The following FGF13 variants were observed in gnomAD, a reference collection of about 807,000 sequenced individuals.
FGF13 encodes the protein fibroblast growth factor 13, also known as fibroblast growth factor homologous factor 2.
A neutral mutation model predicts 19.5 loss-of-function variants in FGF13; 2 were observed. The ratio of observed to expected loss-of-function variants is 0.10; its 90% CI spans 0.04 to 0.32. The LOEUF (loss-of-function observed/expected upper bound fraction) is 0.32, where lower values mean the gene tolerates loss of function less well. Among genes scored for constraint, FGF13 ranks in the 10% least tolerant of loss-of-function variants. FGF13 has a pLI of 1.00. For missense variants in FGF13, 113 were observed against 192.7 expected (o/e 0.59, Z 2.45); for synonymous variants, 72 against 76.9 (o/e 0.94, Z 0.33).
intron 1 of FGF13, among the ~76,000 whole-genome samples, chrX:139,136,804 T>A (rs756699177): frequency 2.7e-5 from 3 of 111,982 alleles, no homozygotes; most frequent in African/African-American, 9.7e-5. Flanking sequence ...GCCAAGCACA[T>A]ACCAAAATGT....
At chrX:138,876,113 C>T (rs917843040) in intron 1 of FGF13, among the ~76,000 whole-genome samples, 1 of 111,579 alleles carries the variant, frequency 9.0e-6, no homozygotes, top group African/African-American at 3.3e-5. Context: ...AAAGGGACCA[C>T]TTGCCCATTT....
chrX:138,832,815 A>G (rs1569406756), intron 3 of FGF13, among the ~76,000 whole-genome samples: 1 of 112,020 alleles, frequency 8.9e-6, no homozygotes, highest in African/African-American at 3.2e-5. Flanking sequence ...TAAGTCTTTA[A>G]TCCTTCTTCA....
At chrX:138,969,358 G>C (rs1293612624) in intron 1 of FGF13, among the ~76,000 whole-genome samples, 1 of 111,454 alleles carries the variant, frequency 9.0e-6, no homozygotes, top group African/African-American at 3.3e-5. Flanking sequence ...AGGGAACTTT[G>C]GGATAGGACA....
intron 1 of FGF13, among the ~76,000 whole-genome samples, chrX:139,149,766 T>C (rs902959358): frequency 1.8e-5 from 2 of 111,984 alleles, no homozygotes; most frequent in Admixed American, 9.5e-5. Flanking sequence ...TCTTGGACAG[T>C]CCATTAAGAC....
chrX:138,634,716 C>A (rs1339718189), intron 4 of FGF13, among the ~76,000 whole-genome samples: 1 of 112,166 alleles, frequency 8.9e-6, no homozygotes, highest in East Asian at 2.8e-4. Flanking sequence ...CTTACTGCTG[C>A]AAGAATGGCT....
intron 3 of FGF13, among the ~76,000 whole-genome samples, chrX:138,785,524 G>C (rs2090685356): frequency 9.0e-6 from 1 of 110,867 alleles, no homozygotes; most frequent in Non-Finnish European, 1.9e-5. Context: ...CAACCTTCAG[G>C]TAATCAAAGT....
chrX:139,077,918 G>A (rs1230157233), intron 1 of FGF13, among the ~76,000 whole-genome samples: 3 of 111,498 alleles, frequency 2.7e-5, no homozygotes, highest in Non-Finnish European at 5.6e-5. Context: ...GATTGCCCAA[G>A]GGCACACGAC....
intron 1 of FGF13, among the ~76,000 whole-genome samples, chrX:139,007,008 T>C (rs1307536437): frequency 9.0e-6 from 1 of 111,049 alleles, no homozygotes; most frequent in Non-Finnish European, 1.9e-5. Context: ...ATAATAACAT[T>C]GAATGTAAAT....
At chrX:139,204,270 G>A (rs2084445636), upstream of FGF13, 1 of 477,611 alleles carries the variant, frequency 2.1e-6, no homozygotes. Flanking sequence ...CGCCGCCGCT[G>A]CCTACGAGAG....
intron 1 of FGF13, among the ~76,000 whole-genome samples, chrX:138,874,561 C>T (rs910630582): frequency 9.0e-6 from 1 of 111,624 alleles, no homozygotes; most frequent in Non-Finnish European, 1.9e-5. Context: ...TCTGGCAAAG[C>T]GATCATTAGG....
At chrX:138,796,228 C>T (rs890864635) in intron 3 of FGF13, among the ~76,000 whole-genome samples, 2 of 110,125 alleles carry the variant, frequency 1.8e-5, no homozygotes, top group African/African-American at 6.6e-5. Context: ...CCTTGTCCCC[C>T]ACCCGCCGAT....
chrX:138,709,415 G>A (rs1207468584), intron 1 of FGF13, among the ~76,000 whole-genome samples: 1 of 112,090 alleles, frequency 8.9e-6, no homozygotes, highest in Non-Finnish European at 1.9e-5. Flanking sequence ...GGTAGAAAAT[G>A]CATAAATAAC....
intron 3 of FGF13, among the ~76,000 whole-genome samples, chrX:138,826,859 T>C (rs2091037886): frequency 8.9e-6 from 1 of 112,458 alleles, no homozygotes; most frequent in African/African-American, 3.2e-5. Context: ...CCTAGCTCAA[T>C]AGCTACATAC....
intron 3 of FGF13, among the ~76,000 whole-genome samples, chrX:138,694,519 T>C (rs2089872834): frequency 9.5e-6 from 1 of 105,223 alleles, no homozygotes; most frequent in South Asian, 4.6e-4. Flanking sequence ...GGCGCAATCT[T>C]GGCTCACTGC....
rs201116693 is a variant in FGF13, at chrX:138,953,886, T to TA, written c.-112-89237dup. Among the ~76,000 whole-genome samples, 874 of 106,077 alleles carry TA rather than the reference T, an allele frequency of 8.2e-3. 14 individuals carry two copies. The highest frequency in any genetic ancestry group is 0.025 in the African/African-American group (744 of 29,322). 92.1% of individuals were successfully genotyped at this position (106,077 alleles called of 115,157 possible). A position where few individuals can be genotyped will look rare whatever the true frequency, so the allele number is the denominator to read the frequency against. Reference sequence around the variant, plus strand: ...AAAGACAAAACTAACCAACATGTGGTAAAAAAAAAATAAATAAACATAGAA... The same window carrying TA: ...AAAGACAAAACTAACCAACATGTGGTAAAAAAAAAAATAAATAAACATAGAA... On this transcript the variant is annotated intron_variant, in intron 1 of 2. Transcript: ENST00000421460.
chrX:138,997,486 A>T lies in FGF13; in HGVS notation c.-112-132836T>A, dbSNP rs762266130. 3.6e-5 allele frequency among the ~76,000 whole-genome samples: 4 copies of T among 112,161 alleles called. No individual in the cohort carries two copies. In the South Asian group the frequency reaches 1.5e-3, roughly 42 times the overall value. On this transcript the variant is annotated intron_variant, in intron 1 of 2. Transcript: ENST00000421460. ...GAATAACCAGTATAGAGAAGAACAT[A>T]AAAGAACTGATGAAGCTGAAAAACG...
chrX:139,057,083 A>G (rs1383779618), intron 1 of FGF13, among the ~76,000 whole-genome samples: 1 of 111,272 alleles, frequency 9.0e-6, no homozygotes, highest in Admixed American at 9.6e-5. Flanking sequence ...AAATGATGGG[A>G]TTGGGTAGAT....
At chrX:138,704,652 G>A (rs983945062) in intron 2 of FGF13, among the ~76,000 whole-genome samples, 1 of 112,025 alleles carries the variant, frequency 8.9e-6, no homozygotes, top group Non-Finnish European at 1.9e-5. Context: ...AGCCTACAAC[G>A]TATCGTTCCT....
Position 138,807,849 on chromosome X carries a change from A to G in FGF13, c.217+49663T>C, listed in dbSNP as rs777066996. ...ACAAAGATCAAAAGAGACAAAGGCCATTACATAATGGTAAAGGAATCAATT... is the reference window on the plus strand; with the variant it reads ...ACAAAGATCAAAAGAGACAAAGGCCGTTACATAATGGTAAAGGAATCAATT... On this transcript the variant is annotated intron_variant, in intron 3 of 6. Transcript: ENST00000436198. 6.2e-5 allele frequency among the ~76,000 whole-genome samples: 7 copies of G among 112,025 alleles called. No individual in the cohort carries two copies. The South Asian group carries it at 2.2e-3, about 36-fold the overall frequency.
Sources: gnomAD v4.1 joint callset for allele counts (sites outside exome capture counted in the v4.1 genomes callset) on GRCh38, gnomAD v4.1.1 for gene constraint, MANE v1.5 for transcripts, NCBI Gene and HGNC (gene_info 2026-07-23, HGNC 2026-07-21) for gene names.